Variants in MAP2K5 observed in about 807,000 individuals in gnomAD.
The protein encoded by MAP2K5 is mitogen-activated protein kinase kinase 5, also known as dual specificity mitogen-activated protein kinase kinase 5.
Under a neutral mutation model 83.1 loss-of-function variants are expected in MAP2K5, and 49 were observed. The observed-to-expected ratio is 0.59, with a 90% confidence interval of 0.47 to 0.75. The LOEUF is 0.75. Among genes scored for constraint, MAP2K5 ranks in the 30% least tolerant of loss-of-function variants. The pLI, the probability that MAP2K5 is intolerant of heterozygous loss-of-function variation, is 0.00. For missense variants in MAP2K5, 457 were observed against 557.5 expected, an observed-to-expected ratio of 0.82 and a Z score of 1.82; for synonymous variants, 202 against 191.8, an observed-to-expected ratio of 1.05 and a Z score of -0.44.
Position 67,665,951 on chromosome 15 carries a change from G to A in MAP2K5, c.847+1306G>A, listed in dbSNP as rs1315619225. On this transcript the variant is annotated intron_variant, in intron 13 of 21. Coordinates refer to ENST00000178640, the MANE Select transcript of MAP2K5 (RefSeq NM_145160.3). The surrounding 1 kb of genome is among the most constrained non-coding windows in gnomAD (Gnocchi z 4.2). ...TTCTATTCCCTGTACTCCTACCTCC[G>A]CACACCCAGCTACCGGTAAAGTGGT... 3.3e-5 allele frequency among the ~76,000 whole-genome samples: 5 copies of A among 152,034 alleles called. No individual in the cohort carries two copies. Among genetic ancestry groups the A allele is most frequent in the Admixed American group, 6.6e-5 (1 of 15,256 alleles).
chr15:67,724,842 A>G lies in MAP2K5; in HGVS notation c.1045-3074A>G, dbSNP rs1487123204. Among the ~76,000 whole-genome samples, 1 of 152,240 alleles carries G rather than the reference A, an allele frequency of 6.6e-6. No homozygotes were observed. The highest frequency in any genetic ancestry group is 1.5e-5 in the Non-Finnish European group (1 of 68,042). ...TGCACTTGCCAGTTTTCACTGGCAT[A>G]GATTCCCAAGTCTTTCAACAGCCCA... is the stretch of plus-strand genomic sequence containing the variant. On this transcript the variant is annotated intron_variant, in intron 16 of 21. Transcript: ENST00000178640. This position sits in a 1 kb window ranked among gnomAD's most constrained non-coding sequence, Gnocchi z 4.4.
In MAP2K5 at chr15:67,586,942, T is replaced by C. The variant is rs747205255; in HGVS notation, c.431+29T>C. On this transcript the variant is annotated intron_variant, in intron 6 of 21. Coordinates refer to ENST00000178640, the MANE Select transcript of MAP2K5 (RefSeq NM_145160.3). ...CGAGCGAGCAAGTAAAGTGTGCCCT[T>C]GATGTGATTTATCTACAGAGTTGGG... is the stretch of plus-strand genomic sequence containing the variant. 22 of 1,611,584 alleles carry C rather than the reference T, an allele frequency of 1.4e-5. No homozygotes were observed. In the Middle Eastern group the frequency reaches 4.9e-4, roughly 36 times the overall value.
rs765694301 is a variant in MAP2K5 at position 67,746,052 on chromosome 15, TTC to T, written c.1075-2175_1075-2174del. On this transcript the variant is annotated intron_variant, in intron 17 of 21. Coordinates refer to ENST00000178640, the MANE Select transcript of MAP2K5 (RefSeq NM_145160.3). This position sits in a 1 kb window ranked among gnomAD's most constrained non-coding sequence, Gnocchi z 4.1. The stretch of plus-strand genomic sequence containing the variant: ...AAAAAAGACTTTGATATTGCTGTTT[TTC>T]TCTTTCTTTTAATGAAGAGCAAGCA... 1.3e-5 allele frequency among the ~76,000 whole-genome samples: 2 copies of T among 152,240 alleles called. No homozygotes were observed. The highest frequency in any genetic ancestry group is 2.4e-5 in the African/African-American group (1 of 41,450).
In MAP2K5 at chr15:67,769,786, C is replaced by T; in HGVS notation, c.1196+123C>T. The T allele has an allele frequency of 1.1e-6, 1 of 884,848 alleles. No homozygotes were observed. The highest frequency in any genetic ancestry group is 1.6e-5 in the South Asian group (1 of 64,474). The allele number at this position is 884,848 out of a possible 1,614,324, so 54.8% of individuals were successfully genotyped here. A position where few individuals can be genotyped will look rare whatever the true frequency, so the allele number is the denominator to read the frequency against. On this transcript the variant is annotated intron_variant, in intron 20 of 21. Transcript: ENST00000178640. This position sits in a 1 kb window ranked among gnomAD's most constrained non-coding sequence, Gnocchi z 5.2. ...TTGGAGACAGGAGGGACTTCGGGGC[C>T]TTGGGCAGATGGGGCAGCAAAGCTG...
intron 8 of MAP2K5, among the ~76,000 whole-genome samples, chr15:67,619,546 C>T (rs1311695689): frequency 2.0e-5 from 3 of 152,090 alleles, no homozygotes; most frequent in Non-Finnish European, 4.4e-5. Context: ...CAAAATGGAC[C>T]CTGACCTTCC....
chr15:67,752,142 G>T (rs936729206), intron 19 of MAP2K5, among the ~76,000 whole-genome samples: 8 of 151,818 alleles, frequency 5.3e-5, no homozygotes, highest in Admixed American at 1.3e-4. Flanking sequence ...CTCCGCTCAC[G>T]GCAACCTCTG....
At position 67,618,496 on chromosome 15, in the gene MAP2K5, G is replaced by A. The variant is rs150520859; in HGVS notation, c.546-12392G>A. Among the ~76,000 whole-genome samples, 22 of 152,256 alleles carry A rather than the reference G, an allele frequency of 1.4e-4. No homozygotes were observed. In the East Asian group the frequency reaches 3.7e-3, roughly 25 times the overall value. On this transcript the variant is annotated intron_variant, in intron 8 of 21. Transcript: ENST00000178640. The stretch of plus-strand genomic sequence containing the variant: ...GAGGAAGTCCAGATGTATGTCTGTA[G>A]CCCTGGCCTGTGTCCTGAACTTCAG...
rs1188747554 is a variant in MAP2K5, at chr15:67,778,677, G to A, written c.1242+5925G>A. Among the ~76,000 whole-genome samples the A allele has an allele frequency of 6.6e-6, 1 of 152,154 alleles. No homozygotes were observed. The highest frequency in any genetic ancestry group is 1.5e-5 in the Non-Finnish European group (1 of 68,018). ...GTGATCCTTTGCGGTTAGCAGAAGG[G>A]TAGGGGGATTTCTTACCTGTTACTG... On this transcript the variant is annotated intron_variant, in intron 21 of 21. Transcript: ENST00000178640. This position sits in a 1 kb window ranked among gnomAD's most constrained non-coding sequence, Gnocchi z 5.0.
chr15:67,586,723 G>A (rs111989109), intron 5 of MAP2K5, 123 bp from the exon 6 acceptor site: 11 of 846,238 alleles, frequency 1.3e-5, no homozygotes, highest in African/African-American at 5.0e-5. Context: ...CCAACTGTGG[G>A]TTTGTCTAGC....
At chr15:67,545,902 G>A (rs1373302264) in intron 1 of MAP2K5, among the ~76,000 whole-genome samples, 1 of 152,162 alleles carries the variant, frequency 6.6e-6, no homozygotes, top group African/African-American at 2.4e-5. Context: ...TTATTATAAG[G>A]GATTGGACTT....
chr15:67,627,973 A>G, intron 8 of MAP2K5: 1 of 769,162 alleles, frequency 1.3e-6, no homozygotes, highest in Non-Finnish European at 2.3e-6. Context: ...GAACACTCAC[A>G]GACTGTGGTA....
intron 6 of MAP2K5, 52 bp downstream of exon 6, chr15:67,586,965 G>A (rs943548783): frequency 3.8e-6 from 6 of 1,573,578 alleles, no homozygotes; most frequent in African/African-American, 2.7e-5. Flanking sequence ...CTACAGAGTT[G>A]GGGTGGGGTG....
intron 14 of MAP2K5, 85 bp downstream of exon 14, chr15:67,692,637 C>T (rs1250121031): frequency 9.8e-7 from 1 of 1,019,240 alleles, no homozygotes. Flanking sequence ...TGAAAAATCA[C>T]CTAGCTGCCA....
intron 9 of MAP2K5, chr15:67,641,362 T>C (rs530941770): frequency 2.8e-6 from 1 of 360,132 alleles, no homozygotes; most frequent in East Asian, 1.7e-4. Flanking sequence ...TAAAAGACAA[T>C]TATGTCGCCA....
intron 8 of MAP2K5, among the ~76,000 whole-genome samples, chr15:67,619,091 C>G (rs1281609392): frequency 6.6e-6 from 1 of 152,190 alleles, no homozygotes; most frequent in Non-Finnish European, 1.5e-5. Context: ...GCATACATGT[C>G]AAGCACACAT....
intron 1 of MAP2K5, among the ~76,000 whole-genome samples, chr15:67,544,089 GA>G (rs1221916017): frequency 6.6e-6 from 1 of 152,206 alleles, no homozygotes; most frequent in Non-Finnish European, 1.5e-5. Context: ...TTGTAGAGAC[GA>G]GGTATTGCCA....
intron 17 of MAP2K5, among the ~76,000 whole-genome samples, chr15:67,729,846 A>G (rs1478233006): frequency 6.6e-6 from 1 of 152,176 alleles, no homozygotes; most frequent in African/African-American, 2.4e-5. Flanking sequence ...AGAAGAGGCT[A>G]TTTACCTTTG....
chr15:67,643,457 T>C (rs1044520181), intron 9 of MAP2K5, among the ~76,000 whole-genome samples: 3 of 149,666 alleles, frequency 2.0e-5, no homozygotes, highest in Non-Finnish European at 4.5e-5. Flanking sequence ...AACTCTTTTA[T>C]TTTTTTTGAG....
intron 17 of MAP2K5, among the ~76,000 whole-genome samples, chr15:67,740,969 A>T (rs1469865384): frequency 6.7e-6 from 1 of 150,134 alleles, no homozygotes; most frequent in Admixed American, 6.7e-5. Context: ...TGGAGGTTGC[A>T]GTGAGCTGAG....
Sources: gnomAD v4.1 joint callset for allele counts (sites outside exome capture counted in the v4.1 genomes callset) on GRCh38, gnomAD v4.1.1 for gene constraint, Gnocchi (gnomAD v3.1) non-coding constraint, MANE v1.5 for transcripts, NCBI Gene and HGNC (gene_info 2026-07-23, HGNC 2026-07-21) for gene names.